Variants in WDPCP observed in about 807,000 individuals in gnomAD.
WDPCP encodes WD repeat containing planar cell polarity effector, also known as WD repeat-containing and planar cell polarity effector protein fritz homolog.
WDPCP carries 71 observed loss-of-function variants against 93.1 expected under a neutral mutation model. The ratio of observed to expected loss-of-function variants is 0.76; its 90% CI spans 0.63 to 0.93. The LOEUF (loss-of-function observed/expected upper bound fraction) is 0.93. Among genes scored for constraint, WDPCP ranks in the 40% least tolerant of loss-of-function variants. The pLI, the probability that WDPCP is intolerant of heterozygous loss-of-function variation, is 0.00. For synonymous variants in WDPCP, 315 were observed against 315.0 expected (o/e 1.00, Z 0.00); for missense variants, 844 against 887.4 (o/e 0.95, Z 0.62).
chr2:63,192,812 T>C (rs1330176204), intron 14 of WDPCP, among the ~76,000 whole-genome samples: 1 of 152,258 alleles, frequency 6.6e-6, no homozygotes, highest in African/African-American at 2.4e-5. Context: ...TTGTTGGCTT[T>C]GTGCCTTCAA....
intron 6 of WDPCP, among the ~76,000 whole-genome samples, chr2:63,470,190 C>T (rs1386451345): frequency 6.6e-6 from 1 of 152,208 alleles, no homozygotes; most frequent in Non-Finnish European, 1.5e-5. Context: ...TACACCCACT[C>T]CTTTGGTGAT....
chr2:63,561,019 A>C (rs1706573154), intron 1 of WDPCP, among the ~76,000 whole-genome samples: 1 of 152,218 alleles, frequency 6.6e-6, no homozygotes, highest in African/African-American at 2.4e-5. Flanking sequence ...AGCCATATGC[A>C]GAAAAACTAA....
chr2:63,749,048 C>T (rs76885581), intron 2 of WDPCP, among the ~76,000 whole-genome samples: 1 of 152,068 alleles, frequency 6.6e-6, no homozygotes, highest in Non-Finnish European at 1.5e-5. Flanking sequence ...ACTATTTTTA[C>T]CTCCTGTACT....
At chr2:63,317,011 G>A (rs1311161965) in intron 12 of WDPCP, among the ~76,000 whole-genome samples, 2 of 152,124 alleles carry the variant, frequency 1.3e-5, no homozygotes, top group Non-Finnish European at 2.9e-5. Flanking sequence ...TCTCTACAAT[G>A]AGAATTACAA....
At chr2:63,838,158 C>G in the WDPCP span, among the ~76,000 whole-genome samples, 3 of 151,916 alleles carry the variant, frequency 2.0e-5, no homozygotes, top group Admixed American at 2.0e-4. Context: ...TTTAGTGGCA[C>G]TAAACTGGTC....
intron 13 of WDPCP, among the ~76,000 whole-genome samples, chr2:63,296,293 T>C (rs2421884): frequency 0.81 from 122,764 of 151,628 alleles, 50,473 homozygotes; most frequent in East Asian, 0.96. Context: ...GGGAACATAC[T>C]TCAAAATAAA....
rs1289597201 is a variant in WDPCP, at chr2:63,580,483, T to C, written c.75+7714A>G. Among the ~76,000 whole-genome samples, 5 of 152,200 alleles carry C rather than the reference T, an allele frequency of 3.3e-5. No individual in the cohort carries two copies. In the East Asian group the frequency reaches 9.6e-4, roughly 29 times the overall value. ...AATAAGACATACTGATTTAATGCTC[T>C]GATAAGGCCACAACATCACCTATGT... is the stretch of plus-strand genomic sequence containing the variant. On this transcript the variant is annotated intron_variant, in intron 1 of 17. Coordinates refer to ENST00000272321, the MANE Select transcript of WDPCP (RefSeq NM_015910.7).
intron 14 of WDPCP, among the ~76,000 whole-genome samples, chr2:63,180,006 G>A (rs974164094): frequency 6.6e-6 from 1 of 152,060 alleles, no homozygotes; most frequent in African/African-American, 2.4e-5. Context: ...TATATGTTCT[G>A]TTCTTTATAT....
At chr2:63,348,668 C>T (rs1329584210) in intron 12 of WDPCP, among the ~76,000 whole-genome samples, 1 of 151,966 alleles carries the variant, frequency 6.6e-6, no homozygotes, top group Non-Finnish European at 1.5e-5. Context: ...ATTATAATTA[C>T]ATGAAAAATA....
intron 1 of WDPCP, among the ~76,000 whole-genome samples, chr2:63,575,345 G>GTATA (rs1378150095): frequency 1.5e-5 from 2 of 129,630 alleles, no homozygotes; most frequent in African/African-American, 5.9e-5. Flanking sequence ...GGTATATACT[G>GTATA]TATATGGTAT....
rs535839979 is a variant in WDPCP, at chr2:63,706,785, T to G, written n.309-55947A>C. ...GCGCCCGCCACCGCGCCCGGCTAAT[T>G]TTTTGTATTTTTAGTAGAGATGGGG... On this transcript the variant is annotated intron_variant and non_coding_transcript_variant, in intron 2 of 4. Coordinates refer to the WDPCP transcript ENST00000467687. Among the ~76,000 whole-genome samples, 200 of 151,286 alleles carry G rather than the reference T, an allele frequency of 1.3e-3. 1 individual carries two copies. The highest frequency in any genetic ancestry group is 4.7e-3 in the African/African-American group (193 of 41,262).
chr2:63,778,085 T>A (rs777024889), intron 2 of WDPCP, among the ~76,000 whole-genome samples: 11 of 152,192 alleles, frequency 7.2e-5, no homozygotes, highest in South Asian at 2.1e-4. Flanking sequence ...CCTGACCCAT[T>A]CTGTGCTATG....
chr2:63,479,544 T>C (rs1451464177), intron 6 of WDPCP, among the ~76,000 whole-genome samples: 4 of 152,188 alleles, frequency 2.6e-5, no homozygotes, highest in Non-Finnish European at 5.9e-5. Context: ...CTCAATTCAA[T>C]AAATGTGATA....
In WDPCP at chr2:63,121,029, T is replaced by C. The variant is rs900322513; in HGVS notation, c.*977A>G. On this transcript the variant is annotated 3_prime_UTR_variant, in exon 18 of 18. Transcript: ENST00000272321. Reference sequence around the variant, plus strand: ...ACCAGGGTATCGGCATTTTTTTCTTTTCTTCATGGATTCTCTGAGCCCTAT... The same window carrying C: ...ACCAGGGTATCGGCATTTTTTTCTTCTCTTCATGGATTCTCTGAGCCCTAT... Among the ~76,000 whole-genome samples the C allele has an allele frequency of 1.3e-5, 2 of 152,160 alleles. No individual in the cohort carries two copies. The highest frequency in any genetic ancestry group is 6.5e-5 in the Admixed American group (1 of 15,282).
At chr2:63,742,834 C>A (rs1406513744) in intron 2 of WDPCP, among the ~76,000 whole-genome samples, 1 of 151,308 alleles carries the variant, frequency 6.6e-6, no homozygotes, top group Non-Finnish European at 1.5e-5. Context: ...TAACACAGAG[C>A]CCAATGTTAT....
chr2:63,138,674 G>C (rs1381347410), intron 17 of WDPCP, among the ~76,000 whole-genome samples: 1 of 151,868 alleles, frequency 6.6e-6, no homozygotes, highest in East Asian at 1.9e-4. Context: ...GGATGGTCTC[G>C]ATCTCCTGAC....
intron 15 of WDPCP, among the ~76,000 whole-genome samples, chr2:63,153,896 A>C (rs144218835): frequency 9.7e-4 from 147 of 152,128 alleles, no homozygotes; most frequent in African/African-American, 3.3e-3. Flanking sequence ...TGGAAACCAA[A>C]TGTGATGCTC....
intron 3 of WDPCP, chr2:63,642,939 T>C (rs1709998203): frequency 6.6e-6 from 1 of 152,238 alleles, no homozygotes; most frequent in African/African-American, 2.4e-5. Context: ...CCATTTAGTA[T>C]GATACTAGCT....
intron 12 of WDPCP, among the ~76,000 whole-genome samples, chr2:63,345,307 A>G (rs907353642): frequency 6.6e-6 from 1 of 152,174 alleles, no homozygotes; most frequent in East Asian, 1.9e-4. Context: ...AAAGAGCAAT[A>G]CTAATGCAGT....
Sources: allele counts gnomAD v4.1 joint callset (sites outside exome capture counted in the v4.1 genomes callset), GRCh38; gene constraint gnomAD v4.1.1; transcripts MANE v1.5; gene names NCBI Gene and HGNC (gene_info 2026-07-23, HGNC 2026-07-21).